The following PPP2R5C variants were observed in gnomAD, a reference collection of about 807,000 sequenced individuals.
PPP2R5C encodes protein phosphatase 2 regulatory subunit B'gamma.
A neutral mutation model predicts 68.9 loss-of-function variants in PPP2R5C; 7 were observed. The observed-to-expected ratio is 0.10, with a 90% CI of 0.06 to 0.19. The LOEUF (loss-of-function observed/expected upper bound fraction) is 0.19. Among genes scored for constraint, PPP2R5C ranks in the 10% least tolerant of loss-of-function variants. The probability of loss-of-function intolerance (pLI) is 1.00; values close to 1 mark genes in which losing one functional copy is unlikely to be tolerated. For synonymous variants in PPP2R5C, 210 were observed against 222.2 expected, an observed-to-expected ratio of 0.95 and a Z score of 0.49; for missense variants, 348 against 641.3, an observed-to-expected ratio of 0.54 and a Z score of 4.94.
intron 1 of PPP2R5C, among the ~76,000 whole-genome samples, chr14:101,852,469 C>CTTTT (rs559509845): frequency 1.3e-4 from 15 of 115,088 alleles, no homozygotes; most frequent in Admixed American, 5.5e-4. Context: ...TTTTCTTTTT[C>CTTTT]TTTTTTTTTT....
At chr14:101,867,331 C>T (rs2043137944) in intron 2 of PPP2R5C, among the ~76,000 whole-genome samples, 1 of 151,990 alleles carries the variant, frequency 6.6e-6, no homozygotes. Flanking sequence ...CTTGTTTGAG[C>T]TCAGGAGCTT....
chr14:101,916,132 A>G lies in PPP2R5C; in HGVS notation c.1327-1699A>G, dbSNP rs947570464. ...AGAGCCATAAAGGGCAAAATGGCCC[A>G]GCCCGACTTGCATTTTTGCAAGCTC... On this transcript the variant is annotated intron_variant, in intron 12 of 13. Transcript: ENST00000334743. This position sits in a 1 kb window ranked among gnomAD's most constrained non-coding sequence, Gnocchi z 5.5. Among the ~76,000 whole-genome samples the G allele has an allele frequency of 1.3e-5, 2 of 152,258 alleles. No homozygotes were observed. The highest frequency in any genetic ancestry group is 2.9e-5 in the Non-Finnish European group (2 of 68,046).
At chr14:101,842,323 C>T (rs1299683185) in intron 1 of PPP2R5C, among the ~76,000 whole-genome samples, 2 of 152,178 alleles carry the variant, frequency 1.3e-5, no homozygotes, top group Non-Finnish European at 2.9e-5. Context: ...TTTCCGGGTG[C>T]AGCCTGCCCC....
At chr14:101,923,130 C>G (rs569146592) in intron 13 of PPP2R5C, among the ~76,000 whole-genome samples, 1 of 152,330 alleles carries the variant, frequency 6.6e-6, no homozygotes, top group African/African-American at 2.4e-5. Flanking sequence ...CATCTGCATG[C>G]TGTCTTATTC....
At chr14:101,892,394 T>TG (rs551342102) in intron 6 of PPP2R5C, among the ~76,000 whole-genome samples, 35 of 43,050 alleles carry the variant, frequency 8.1e-4, no homozygotes, top group East Asian at 2.8e-3. Context: ...GGGTGGGGGG[T>TG]GGGGGGGGTC....
At position 101,882,327 on chromosome 14, in the gene PPP2R5C, T is replaced by C. The variant is rs749173972; in HGVS notation, c.405+56T>C. On this transcript the variant is annotated intron_variant, in intron 3 of 13. Transcript: ENST00000334743. This position sits in a 1 kb window ranked among gnomAD's most constrained non-coding sequence, Gnocchi z 4.9. The stretch of plus-strand genomic sequence containing the variant: ...GCACTGGTGACACATGGGAATGGCC[T>C]GGGATCCACAGAGCGGGCGCACTGG... The C allele has an allele frequency of 1.2e-5, 17 of 1,408,554 alleles. No homozygotes were observed. In the Admixed American group the frequency reaches 2.4e-4, roughly 20 times the overall value. The allele number at this position is 1,408,554 out of a possible 1,614,324, so 87.3% of individuals were successfully genotyped here.
At chr14:101,889,958 G>C (rs1330286806) in intron 5 of PPP2R5C, 1 of 547,118 alleles carries the variant, frequency 1.8e-6, no homozygotes, top group East Asian at 4.4e-5. Flanking sequence ...GGTGTTCACT[G>C]TAGAATTCTT....
At chr14:101,837,311 T>G (rs2041172963) in intron 1 of PPP2R5C, among the ~76,000 whole-genome samples, 1 of 140,826 alleles carries the variant, frequency 7.1e-6, no homozygotes, top group African/African-American at 2.9e-5. Context: ...GCCCAGCTCA[T>G]TTTGTATTTT....
In PPP2R5C at chr14:101,915,057, GTTTGGTTTGGTTTGGTTTGA is replaced by G. The variant is rs1248091667; in HGVS notation, c.1326+2599_1326+2618del. On this transcript the variant is annotated intron_variant, in intron 12 of 13. Transcript: ENST00000334743. The surrounding 1 kb of genome is among the most constrained non-coding windows in gnomAD (Gnocchi z 4.2). ...CACCTCAGTGAAGGTTTTTGTTTTG[GTTTGGTTTGGTTTGGTTTGA>G]TTTGGTTTGGTTTGTTTGAGATGGA... Among the ~76,000 whole-genome samples the G allele has an allele frequency of 4.4e-3, 669 of 152,178 alleles. 7 individuals are homozygous for G. Among genetic ancestry groups the G allele is most frequent in the African/African-American group, 0.015 (637 of 41,512 alleles).
chr14:101,899,227 C>T lies in PPP2R5C; in HGVS notation c.853-2492C>T, dbSNP rs1192128827. 4.6e-5 allele frequency among the ~76,000 whole-genome samples: 7 copies of T among 152,382 alleles called. No homozygotes were observed. In the South Asian group the frequency reaches 6.2e-4, roughly 14 times the overall value. On this transcript the variant is annotated intron_variant, in intron 8 of 13. Transcript: ENST00000334743. The surrounding 1 kb of genome is among the most constrained non-coding windows in gnomAD (Gnocchi z 4.2). ...TAAAACTGTGTTCCGTTTTCACCCACCTGCCTCTTCAGTCTCATCACATTT... is the reference window on the plus strand; with the variant it reads ...TAAAACTGTGTTCCGTTTTCACCCATCTGCCTCTTCAGTCTCATCACATTT...
intron 2 of PPP2R5C, among the ~76,000 whole-genome samples, chr14:101,881,633 C>T (rs760932931): frequency 1.6e-4 from 25 of 152,186 alleles, no homozygotes; most frequent in Admixed American, 1.0e-3. Context: ...TCTTAGCTGC[C>T]GACTCAAAGG....
intron 1 of PPP2R5C, among the ~76,000 whole-genome samples, chr14:101,816,689 G>A (rs2039690278): frequency 6.6e-6 from 1 of 151,572 alleles, no homozygotes; most frequent in Non-Finnish European, 1.5e-5. Context: ...AATAAGTGAA[G>A]GATCGTGATC....
At chr14:101,814,687 A>G (rs1008772542) in intron 1 of PPP2R5C, among the ~76,000 whole-genome samples, 2 of 152,252 alleles carry the variant, frequency 1.3e-5, no homozygotes, top group African/African-American at 4.8e-5. Context: ...AGGTAAGGTT[A>G]TTAGTCAAGA....
chr14:101,802,809 TTAAA>T (rs1394363779), intron 3 of PPP2R5C, among the ~76,000 whole-genome samples: 1 of 152,100 alleles, frequency 6.6e-6, no homozygotes, highest in Non-Finnish European at 1.5e-5. Context: ...TGTGAAATAC[TTAAA>T]TAGACGTTTC....
At chr14:101,886,969 A>C (rs1013699646) in intron 5 of PPP2R5C, among the ~76,000 whole-genome samples, 1 of 152,176 alleles carries the variant, frequency 6.6e-6, no homozygotes, top group Admixed American at 6.5e-5. Flanking sequence ...TCCTGGCCTC[A>C]AGTGATCCTC....
At chr14:101,786,695 T>C (rs1264996276) in intron 3 of PPP2R5C, among the ~76,000 whole-genome samples, 1 of 152,150 alleles carries the variant, frequency 6.6e-6, no homozygotes, top group Admixed American at 6.6e-5. Flanking sequence ...GAAAAAGTGC[T>C]CTTTACTTTG....
chr14:101,852,541 T>G (rs1009005665), intron 1 of PPP2R5C, among the ~76,000 whole-genome samples: 5 of 151,094 alleles, frequency 3.3e-5, no homozygotes, highest in African/African-American at 1.2e-4. Context: ...TGATCTCAGT[T>G]CACTGCAACC....
chr14:101,775,931 G>A (rs1303508553), intron 2 of PPP2R5C, among the ~76,000 whole-genome samples: 1 of 152,056 alleles, frequency 6.6e-6, no homozygotes, highest in Non-Finnish European at 1.5e-5. Flanking sequence ...CAGTGGAGAG[G>A]CTCTGGGAAG....
At chr14:101,840,630 C>T (rs1023657726) in intron 1 of PPP2R5C, among the ~76,000 whole-genome samples, 1 of 152,100 alleles carries the variant, frequency 6.6e-6, no homozygotes, top group Non-Finnish European at 1.5e-5. Context: ...CAGATTGGCC[C>T]CCCCATGACC....
Sources: gnomAD v4.1 joint callset for allele counts (sites outside exome capture counted in the v4.1 genomes callset) on GRCh38, gnomAD v4.1.1 for gene constraint, Gnocchi (gnomAD v3.1) non-coding constraint, MANE v1.5 for transcripts, NCBI Gene and HGNC (gene_info 2026-07-23, HGNC 2026-07-21) for gene names.